Variants in LNX1 observed in about 807,000 individuals in gnomAD.
The protein encoded by LNX1 is E3 ubiquitin-protein ligase LNX.
Under a neutral mutation model 68.4 loss-of-function variants are expected in LNX1, and 54 were observed. That is an observed-to-expected ratio of 0.79 (90% CI 0.63 to 0.99). The LOEUF (loss-of-function observed/expected upper bound fraction) is 0.99. Among genes scored for constraint, LNX1 ranks in the 50% least tolerant of loss-of-function variants. LNX1 has a pLI of 0.00. For synonymous variants in LNX1, 336 were observed against 350.0 expected (o/e 0.96, Z 0.45); for missense variants, 906 against 926.4 (o/e 0.98, Z 0.29).
At chr4:53,483,542 G>A (rs1724087547) in intron 6 of LNX1, among the ~76,000 whole-genome samples, 2 of 152,204 alleles carry the variant, frequency 1.3e-5, no homozygotes, top group South Asian at 4.1e-4. Context: ...GGTGGCCTAG[G>A]CTGAAGTAGC....
intron 1 of LNX1, among the ~76,000 whole-genome samples, chr4:53,632,869 G>A (rs890815992): frequency 3.3e-5 from 5 of 152,142 alleles, no homozygotes; most frequent in Admixed American, 2.6e-4. Flanking sequence ...GTTTCTCCAG[G>A]TCTTCTTTAG....
At chr4:53,492,543 G>GAGAGAGAGAGAGA (rs1553931992) in intron 6 of LNX1, among the ~76,000 whole-genome samples, 2 of 151,096 alleles carry the variant, frequency 1.3e-5, no homozygotes, top group Non-Finnish European at 3.0e-5. Flanking sequence ...GAGAGAGAGA[G>GAGAGAGAGAGAGA]TGGCATCCTG....
intron 2 of LNX1, among the ~76,000 whole-genome samples, chr4:53,606,334 G>A (rs1180459953): frequency 1.9e-4 from 29 of 152,202 alleles, no homozygotes; most frequent in African/African-American, 6.5e-4. Context: ...GAAACCTAGA[G>A]GAAATGGCTA....
chr4:53,501,261 A>C (rs762732700), intron 4 of LNX1, among the ~76,000 whole-genome samples: 3 of 139,694 alleles, frequency 2.1e-5, no homozygotes, highest in Non-Finnish European at 4.5e-5. Flanking sequence ...CAATAACCCT[A>C]TGAAATAGAT....
chr4:53,639,767 C>T (rs375690901), intron 1 of LNX1, among the ~76,000 whole-genome samples: 12 of 152,336 alleles, frequency 7.9e-5, no homozygotes, highest in Admixed American at 4.6e-4. Context: ...TGTAGTGGCT[C>T]ATGCCTGTAA....
chr4:53,517,423 A>C (rs1002277913), intron 2 of LNX1, among the ~76,000 whole-genome samples: 2 of 152,168 alleles, frequency 1.3e-5, no homozygotes, highest in African/African-American at 4.8e-5. Flanking sequence ...CCCTGAGCCC[A>C]CCCTCAAATA....
chr4:53,475,891 A>T (rs1723528298), intron 9 of LNX1, among the ~76,000 whole-genome samples: 1 of 152,224 alleles, frequency 6.6e-6, no homozygotes, highest in Non-Finnish European at 1.5e-5. Flanking sequence ...CCTCAGGAGC[A>T]GGCCCTAAGG....
At chr4:53,525,251 G>A (rs1319069727) in intron 2 of LNX1, among the ~76,000 whole-genome samples, 1 of 152,194 alleles carries the variant, frequency 6.6e-6, no homozygotes, top group Non-Finnish European at 1.5e-5. Context: ...GGAGGGTGAG[G>A]AGGGCGGATC....
At chr4:53,649,022 G>A (rs896126958) in intron 1 of LNX1, among the ~76,000 whole-genome samples, 4 of 152,078 alleles carry the variant, frequency 2.6e-5, no homozygotes, top group Non-Finnish European at 4.4e-5. Context: ...AGGCTGAAAC[G>A]ATAAAAAAAT....
intron 1 of LNX1, chr4:53,652,055 G>GAGAGAA (rs1735127418): frequency 1.5e-5 from 2 of 136,880 alleles, no homozygotes; most frequent in South Asian, 2.1e-4. Flanking sequence ...GAGAGAGAGA[G>GAGAGAA]AGAGAGACAG....
chr4:53,478,424 A>G (rs759168902), intron 8 of LNX1, 141 bp downstream of exon 8: 70 of 714,088 alleles, frequency 9.8e-5, no homozygotes, highest in Non-Finnish European at 1.4e-4. Flanking sequence ...ACTCAAACCA[A>G]TCATGGTCAA....
intron 9 of LNX1, among the ~76,000 whole-genome samples, chr4:53,463,504 G>GTTAT (rs1722365244): frequency 6.6e-6 from 1 of 151,996 alleles, no homozygotes; most frequent in Admixed American, 6.6e-5. Context: ...CTTAAGTTGG[G>GTTAT]TTATTTCACT....
At chr4:53,576,584 A>G (rs1490373054) in intron 1 of LNX1, among the ~76,000 whole-genome samples, 5 of 152,168 alleles carry the variant, frequency 3.3e-5, no homozygotes, top group Non-Finnish European at 1.5e-5. Flanking sequence ...CACAGAGCTG[A>G]CATTCTAGTG....
chr4:53,598,634 T>C (rs1468738809), intron 2 of LNX1, among the ~76,000 whole-genome samples: 2 of 152,136 alleles, frequency 1.3e-5, no homozygotes, highest in Non-Finnish European at 2.9e-5. Context: ...GGAAGAAACA[T>C]AGGAGGCCTT....
intron 9 of LNX1, among the ~76,000 whole-genome samples, chr4:53,470,055 C>G (rs1051422745): frequency 2.0e-5 from 3 of 152,162 alleles, no homozygotes; most frequent in African/African-American, 7.2e-5. Flanking sequence ...GAATTTGAGA[C>G]CAATATCCTG....
chr4:53,624,200 G>C (rs1252881232), intron 1 of LNX1, among the ~76,000 whole-genome samples: 1 of 151,996 alleles, frequency 6.6e-6, no homozygotes, highest in Non-Finnish European at 1.5e-5. Flanking sequence ...CCAATCATTA[G>C]CCTATTTCTC....
intron 2 of LNX1, among the ~76,000 whole-genome samples, chr4:53,607,325 A>G (rs2590803): frequency 0.42 from 64,029 of 152,034 alleles, 13,451 homozygotes; most frequent in Admixed American, 0.45. Context: ...ATGACATCCA[A>G]GCTGAGAGCC....
At position 53,478,686 on chromosome 4, in the gene LNX1, G is replaced by T; in HGVS notation, c.1542C>A (p.Pro514=). The T allele has an allele frequency of 6.2e-7, 1 of 1,613,966 alleles. No individual in the cohort carries two copies. The highest frequency in any genetic ancestry group is 8.5e-7 in the Non-Finnish European group (1 of 1,179,956). The stretch of plus-strand genomic sequence containing the variant: ...CGACGGTCATGCCGAGAGATTCACC[G>T]GGGTCTTTTTGGATATTTACCACCT... ...HEKVVNIQKD[P]GESLGMTVAG... Residue 514 remains proline, a synonymous_variant, in exon 8 of 11, where the codon CCC becomes CCA. Transcript: ENST00000263925.
At chr4:53,638,422 A>G (rs780786679) in intron 1 of LNX1, among the ~76,000 whole-genome samples, 4 of 152,178 alleles carry the variant, frequency 2.6e-5, no homozygotes, top group Non-Finnish European at 5.9e-5. Flanking sequence ...CCCAAACTCA[A>G]TGCTCATGGT....
Sources: gnomAD v4.1 joint callset for allele counts (sites outside exome capture counted in the v4.1 genomes callset) on GRCh38, gnomAD v4.1.1 for gene constraint, MANE v1.5 for transcripts, NCBI Gene and HGNC (gene_info 2026-07-23, HGNC 2026-07-21) for gene names.